The following ZNF484 variants were observed in gnomAD, a reference collection of about 807,000 sequenced individuals.
ZNF484 encodes the protein zinc finger protein 484, also known as KRAB box containing C2H2 type zinc finger bA526D8.4.
A neutral mutation model predicts 12.9 loss-of-function variants in ZNF484; 11 were observed. That is an observed-to-expected ratio of 0.85 (90% CI 0.54 to 1.41). ZNF484 has a LOEUF of 1.41. ZNF484 is among the 40% of genes most tolerant of loss of function. ZNF484 has a pLI of 0.00. For missense variants in ZNF484, 807 were observed against 1,007.7 expected, an observed-to-expected ratio of 0.80 and a Z score of 2.70; for synonymous variants, 289 against 334.1, an observed-to-expected ratio of 0.86 and a Z score of 1.47.
chr9:92,872,231 CAAAAAAAAA>C (rs59372760), intron 2 of ZNF484, among the ~76,000 whole-genome samples: 16,799 of 43,706 alleles, frequency 0.38, 2,425 homozygotes, highest in Admixed American at 0.44. Flanking sequence ...ATCTCTGCCT[CAAAAAAAAA>C]AAAAAAAAAA....
chr9:92,845,955 A>G lies in ZNF484; in HGVS notation c.*273T>C, dbSNP rs1010700338. On this transcript the variant is annotated 3_prime_UTR_variant, in exon 5 of 5. Transcript: ENST00000375495. The surrounding 1 kb of genome is among the most constrained non-coding windows in gnomAD (Gnocchi z 4.0). The stretch of plus-strand genomic sequence containing the variant: ...AAATTATCTCATCATACTACTCATT[A>G]TGAATTTTTGCGGGTCAATATTGAA... 1 of 422,410 alleles carries G rather than the reference A, an allele frequency of 2.4e-6. No homozygotes were observed. The highest frequency in any genetic ancestry group is 4.2e-6 in the Non-Finnish European group (1 of 237,456). The allele number at this position is 422,410 out of a possible 1,614,324, so 26.2% of individuals were successfully genotyped here.
chr9:92,874,122 G>A (rs1182331798), intron 2 of ZNF484, among the ~76,000 whole-genome samples: 1 of 152,158 alleles, frequency 6.6e-6, no homozygotes, highest in Non-Finnish European at 1.5e-5. Flanking sequence ...CCTCAAGGTT[G>A]TTTCAGAAGG....
intron 1 of ZNF484, among the ~76,000 whole-genome samples, chr9:92,876,039 G>C (rs902936432): frequency 1.8e-5 from 2 of 113,760 alleles, no homozygotes; most frequent in African/African-American, 8.9e-5. Context: ...ATCTTTGAGA[G>C]AAACACTGGA....
At chr9:92,870,796 G>A (rs1564116525) in intron 2 of ZNF484, among the ~76,000 whole-genome samples, 1 of 152,184 alleles carries the variant, frequency 6.6e-6, no homozygotes, top group Non-Finnish European at 1.5e-5. Flanking sequence ...TTCAGACAAG[G>A]TGATGTCACC....
chr9:92,866,215 T>C (rs1010377746), intron 2 of ZNF484, among the ~76,000 whole-genome samples: 9 of 152,220 alleles, frequency 5.9e-5, no homozygotes, highest in Non-Finnish European at 8.8e-5. Context: ...TTAAATCATA[T>C]GCATGTATTA....
At chr9:92,872,570 C>T (rs1456036693) in intron 2 of ZNF484, among the ~76,000 whole-genome samples, 1 of 150,190 alleles carries the variant, frequency 6.7e-6, no homozygotes, top group African/African-American at 2.4e-5. Context: ...AAAGAGTGGT[C>T]AGAGAGATAC....
rs569928131 is a variant in ZNF484, at chr9:92,856,871, G to A, written c.16-553C>T. Among the ~76,000 whole-genome samples, 13 of 152,234 alleles carry A rather than the reference G, an allele frequency of 8.5e-5. No individual in the cohort carries two copies. In the East Asian group the frequency reaches 1.7e-3, roughly 20 times the overall value. Reference sequence around the variant, plus strand: ...TGAGTAGCTGGGACTACAGGCGCCCGCCACCACGCCCAGCTAATTTTTAAA... The same window carrying A: ...TGAGTAGCTGGGACTACAGGCGCCCACCACCACGCCCAGCTAATTTTTAAA... On this transcript the variant is annotated intron_variant, in intron 2 of 4. Coordinates refer to ENST00000375495, the MANE Select transcript of ZNF484 (RefSeq NM_031486.4).
chr9:92,875,692 C>T (rs1857757810), intron 1 of ZNF484, among the ~76,000 whole-genome samples: 1 of 152,206 alleles, frequency 6.6e-6, no homozygotes, highest in Admixed American at 6.5e-5. Flanking sequence ...ATCCTAGGCA[C>T]ACCTGTTTCT....
rs1488418522 is a variant in ZNF484, at chr9:92,848,405, A to G, written c.382T>C (p.Cys128Arg). The change falls in exon 5 of 5, where the codon TGT (cysteine) becomes CGT (arginine). Residue 128 changes from cysteine to arginine, a missense_variant. Coordinates refer to ENST00000375495, the MANE Select transcript of ZNF484 (RefSeq NM_031486.4). The surrounding 1 kb of genome is among the most constrained non-coding windows in gnomAD (Gnocchi z 4.1). Reference protein sequence around the residue: ...LWKDDEHTRKCGENQNKPLSR... With the variant: ...LWKDDEHTRKRGENQNKPLSR... ...AAAGGTTTGTTCTGGTTTTCTCCAC[A>G]TTTTCTTGTGTGTTCATCGTCTTTC... 10 of 1,613,932 alleles carry G rather than the reference A, an allele frequency of 6.2e-6. No individual in the cohort carries two copies. The highest frequency in any genetic ancestry group is 8.5e-6 in the Non-Finnish European group (10 of 1,180,006).
chr9:92,846,103 G>C lies in ZNF484; in HGVS notation c.*125C>G. ...TGCACATTTACTATTATTTGCAGGA[G>C]CTTGACAACACCAATATCAAGTAAC... On this transcript the variant is annotated 3_prime_UTR_variant, in exon 5 of 5. Coordinates refer to ENST00000375495, the MANE Select transcript of ZNF484 (RefSeq NM_031486.4). 2 of 941,298 alleles carry C rather than the reference G, an allele frequency of 2.1e-6. No individual in the cohort carries two copies. Among genetic ancestry groups the C allele is most frequent in the South Asian group, 3.6e-5 (2 of 56,040 alleles). 58.3% of individuals were successfully genotyped at this position (941,298 alleles called of 1,614,324 possible). A position where few individuals can be genotyped will look rare whatever the true frequency, so the allele number is the denominator to read the frequency against.
At chr9:92,874,131 G>T (rs74769322) in intron 2 of ZNF484, among the ~76,000 whole-genome samples, 4,948 of 152,208 alleles carry the variant, frequency 0.033, 162 homozygotes, top group African/African-American at 0.085. Flanking sequence ...TGTTTCAGAA[G>T]GTGGTCCTTG....
chr9:92,852,532 T>A (rs938308502), intron 4 of ZNF484, among the ~76,000 whole-genome samples: 4 of 133,006 alleles, frequency 3.0e-5, no homozygotes, highest in African/African-American at 1.1e-4. Context: ...GCCCAGCCTT[T>A]TTTTTTTTTT....
At chr9:92,866,674 A>ATAAAGAC (rs201927879) in intron 2 of ZNF484, among the ~76,000 whole-genome samples, 4,936 of 152,316 alleles carry the variant, frequency 0.032, 156 homozygotes, top group African/African-American at 0.085. Flanking sequence ...TCATTCTACT[A>ATAAAGAC]TAAAGACACA....
Position 92,847,154 on chromosome 9 carries a change from A to C in ZNF484, c.1633T>G (p.Cys545Gly). The C allele has an allele frequency of 6.2e-7, 1 of 1,613,598 alleles. No homozygotes were observed. The highest frequency in any genetic ancestry group is 8.5e-7 in the Non-Finnish European group (1 of 1,179,900). The part of the protein sequence containing the change: ...WKSRLRIHQK[C>G]HTGERHYECS... ...TCATAATGTCTCTCTCCAGTATGAC[A>C]CTTCTGATGTATCCTGAGCCGAGAC... Residue 545 changes from cysteine (C) to glycine (G), a missense_variant, in exon 5 of 5, where the codon TGT becomes GGT. Cys to Gly is a radical substitution (Grantham distance 159). Transcript: ENST00000375495.
chr9:92,859,813 A>C (rs1856673414), intron 2 of ZNF484, among the ~76,000 whole-genome samples: 1 of 152,214 alleles, frequency 6.6e-6, no homozygotes, highest in African/African-American at 2.4e-5. Context: ...TTTACAATGA[A>C]AGGATACAGA....
intron 3 of ZNF484, 39 bp downstream of exon 3, chr9:92,856,153 A>G: frequency 6.2e-7 from 1 of 1,603,830 alleles, no homozygotes; most frequent in South Asian, 1.1e-5. Context: ...ATACTCAATT[A>G]GGTGCAGCCT....
At chr9:92,865,773 G>A (rs1230580591) in intron 2 of ZNF484, among the ~76,000 whole-genome samples, 2 of 152,128 alleles carry the variant, frequency 1.3e-5, no homozygotes, top group Admixed American at 6.5e-5. Flanking sequence ...GCCAGGCATG[G>A]TGGCATGCGT....
At chr9:92,871,365 T>G (rs1857420159) in intron 2 of ZNF484, among the ~76,000 whole-genome samples, 1 of 151,712 alleles carries the variant, frequency 6.6e-6, no homozygotes, top group South Asian at 2.1e-4. Context: ...GTAGAAATGA[T>G]CTAATCTAAA....
chr9:92,872,672 CAG>C (rs1857529122), intron 2 of ZNF484, among the ~76,000 whole-genome samples: 1 of 151,948 alleles, frequency 6.6e-6, no homozygotes, highest in Non-Finnish European at 1.5e-5. Context: ...AAAATAGAAA[CAG>C]ATTCTTTCTT....
Sources: allele counts gnomAD v4.1 joint callset (sites outside exome capture counted in the v4.1 genomes callset), GRCh38; gene constraint gnomAD v4.1.1; non-coding constraint Gnocchi (gnomAD v3.1); transcripts MANE v1.5; gene names NCBI Gene and HGNC (gene_info 2026-07-23, HGNC 2026-07-21).